MGAT4D: variants seen among roughly 807,000 people sequenced by gnomAD.
MGAT4D encodes MGAT4 family member D.
Under a neutral mutation model 15.9 loss-of-function variants are expected in MGAT4D, and 34 were observed. The ratio of observed to expected loss-of-function variants is 2.14; its 90% confidence interval spans 1.62 to 2.84. MGAT4D has a LOEUF of 2.84. MGAT4D is among the 30% of genes most tolerant of loss of function. The pLI is 0.00. For missense variants in MGAT4D, 327 were observed against 140.2 expected, an observed-to-expected ratio of 2.33 and a Z score of -6.73; for synonymous variants, 112 against 48.2, an observed-to-expected ratio of 2.33 and a Z score of -5.49.
intron 2 of MGAT4D, among the ~76,000 whole-genome samples, chr4:140,481,676 T>C (rs1732743107): frequency 6.6e-6 from 1 of 152,220 alleles, no homozygotes; most frequent in Non-Finnish European, 1.5e-5. Context: ...GGAAAATCTA[T>C]GCTAAGTGAT....
At chr4:140,452,569 T>C (rs1276456970) in intron 9 of MGAT4D, among the ~76,000 whole-genome samples, 1 of 152,184 alleles carries the variant, frequency 6.6e-6, no homozygotes, top group Non-Finnish European at 1.5e-5. Flanking sequence ...ACTACTTTTA[T>C]GGAGTCTGGA....
chr4:140,462,014 A>G lies in MGAT4D; in HGVS notation c.687-10T>C. ...CTGTTTGATTCGCCAACTAAAGGTAATCAATAAGATCTGTTAATATTTGTC... is the reference window on the plus strand; with the variant it reads ...CTGTTTGATTCGCCAACTAAAGGTAGTCAATAAGATCTGTTAATATTTGTC... On this transcript the variant is annotated splice_polypyrimidine_tract_variant and intron_variant, in intron 6 of 10. Transcript: ENST00000511113. 2 of 699,898 alleles carry G rather than the reference A, an allele frequency of 2.9e-6. No homozygotes were observed. The highest frequency in any genetic ancestry group is 5.2e-6 in the Non-Finnish European group (2 of 383,480). The allele number at this position is 699,898 out of a possible 1,614,324, so 43.4% of individuals were successfully genotyped here. A position where few individuals can be genotyped will look rare whatever the true frequency, so the allele number is the denominator to read the frequency against.
In MGAT4D at chr4:140,456,661, G is replaced by A; in HGVS notation, c.936C>T (p.Tyr312=). The change falls in exon 9 of 11, where the codon TAC becomes TAT. Residue 312 remains tyrosine, a synonymous_variant. Transcript: ENST00000511113. Reference sequence around the variant, plus strand: ...AGAGCCAGTCTATGGGTTTCTCTTTGTAGAACATTAAAAAAAACCGTACAA... The same window carrying A: ...AGAGCCAGTCTATGGGTTTCTCTTTATAGAACATTAAAAAAAACCGTACAA... ...THFVRFFLMF[Y]KEKPIDWLLN... is the part of the protein sequence containing the mutation. The A allele has an allele frequency of 1.4e-6, 1 of 696,948 alleles. No homozygotes were observed. Among genetic ancestry groups the A allele is most frequent in the Non-Finnish European group, 2.6e-6 (1 of 382,166 alleles). The allele number at this position is 696,948 out of a possible 1,614,324, so 43.2% of individuals were successfully genotyped here.
intron 10 of MGAT4D, among the ~76,000 whole-genome samples, chr4:140,449,468 A>T (rs1307950069): frequency 6.6e-6 from 1 of 152,156 alleles, no homozygotes; most frequent in Non-Finnish European, 1.5e-5. Context: ...CATTTAAAAA[A>T]TTTTATCATG....
chr4:140,498,101 G>C (rs1269766848), intron 1 of MGAT4D, 28 bp downstream of exon 1: 2 of 695,128 alleles, frequency 2.9e-6, no homozygotes, highest in African/African-American at 1.8e-5. Context: ...CGGCGGGAAA[G>C]GAGGCGGGAG....
chr4:140,444,620 G>A (rs368392221), intron 10 of MGAT4D, among the ~76,000 whole-genome samples: 16 of 151,998 alleles, frequency 1.1e-4, no homozygotes, highest in African/African-American at 3.1e-4. Flanking sequence ...CCAGTCTATC[G>A]CTGATAGGCA....
At chr4:140,482,960 C>T (rs1157744654) in intron 1 of MGAT4D, among the ~76,000 whole-genome samples, 1 of 152,250 alleles carries the variant, frequency 6.6e-6, no homozygotes, top group Non-Finnish European at 1.5e-5. Context: ...AAAATTGGAA[C>T]TGACCAAAGT....
At chr4:140,448,183 CT>C (rs1256459583) in intron 10 of MGAT4D, among the ~76,000 whole-genome samples, 1 of 152,028 alleles carries the variant, frequency 6.6e-6, no homozygotes, top group Non-Finnish European at 1.5e-5. Flanking sequence ...ATTATGTGTC[CT>C]GTGGATGATC....
At chr4:140,464,647 G>A (rs1731408238) in intron 6 of MGAT4D, among the ~76,000 whole-genome samples, 1 of 152,164 alleles carries the variant, frequency 6.6e-6, no homozygotes, top group Non-Finnish European at 1.5e-5. Context: ...GGGGTGGAGG[G>A]ATGGACATCC....
rs115718989 is a variant in MGAT4D at position 140,447,543 on chromosome 4, C to T, written c.1116+3867G>A. ...CAATCCCTGCCTTTTTTCTGATTTC[C>T]ATTTGTTGGTAGATTTTTCTCCATC... On this transcript the variant is annotated intron_variant, in intron 10 of 10. Coordinates refer to ENST00000511113, the MANE Select transcript of MGAT4D (RefSeq NM_001277353.2). 9.0e-3 allele frequency among the ~76,000 whole-genome samples: 1,366 copies of T among 152,040 alleles called. 15 individuals are homozygous for T. The highest frequency in any genetic ancestry group is 0.015 in the Non-Finnish European group (1,011 of 67,960).
intron 6 of MGAT4D, among the ~76,000 whole-genome samples, chr4:140,463,796 T>C (rs1053479111): frequency 1.3e-5 from 2 of 152,146 alleles, no homozygotes; most frequent in Non-Finnish European, 2.9e-5. Context: ...AAGTTAATGA[T>C]TGCAAGGTTG....
chr4:140,481,212 G>A (rs541892409), intron 2 of MGAT4D, among the ~76,000 whole-genome samples: 6 of 152,162 alleles, frequency 3.9e-5, no homozygotes, highest in African/African-American at 1.4e-4. Flanking sequence ...GACTGAGATA[G>A]GAGGATTGCT....
Position 140,495,806 on chromosome 4 carries a change from G to A in MGAT4D, c.94+2323C>T, listed in dbSNP as rs1946579. ...GGCTGAAGGGCAGTGGCGTGATCTC[G>A]GCTCACTGCAACCTCTGTCTCCTGG... is the stretch of plus-strand genomic sequence containing the variant. On this transcript the variant is annotated intron_variant, in intron 1 of 10. Coordinates refer to ENST00000511113, the MANE Select transcript of MGAT4D (RefSeq NM_001277353.2). Among the ~76,000 whole-genome samples, 1,512 of 152,086 alleles carry A rather than the reference G, an allele frequency of 9.9e-3. 5 individuals carry two copies. The highest frequency in any genetic ancestry group is 0.028 in the South Asian group (135 of 4,820).
chr4:140,459,803 T>C, intron 7 of MGAT4D, among the ~76,000 whole-genome samples, 177 bp from the exon 8 acceptor site: 1 of 138,116 alleles, frequency 7.2e-6, no homozygotes, highest in Admixed American at 7.0e-5. Context: ...GATTTCCTTT[T>C]TTTTTTTTTT....
chr4:140,482,674 A>C (rs1360611657), intron 1 of MGAT4D, among the ~76,000 whole-genome samples, 189 bp from the exon 2 acceptor site: 2 of 152,010 alleles, frequency 1.3e-5, no homozygotes, highest in Non-Finnish European at 2.9e-5. Flanking sequence ...GTGCATAGGT[A>C]CAAATATAAA....
chr4:140,468,609 GC>G (rs1040920494), intron 5 of MGAT4D, among the ~76,000 whole-genome samples: 2 of 152,142 alleles, frequency 1.3e-5, no homozygotes, highest in Admixed American at 6.5e-5. Context: ...TCAGAATAAA[GC>G]AACTGAGAAG....
chr4:140,475,000 T>A (rs968317482), intron 3 of MGAT4D, 54 bp from the exon 4 acceptor site: 2 of 516,854 alleles, frequency 3.9e-6, no homozygotes, highest in Admixed American at 7.1e-5. Context: ...AAAAACATAG[T>A]TTACCATTCA....
At chr4:140,461,504 A>G (rs985118938) in intron 7 of MGAT4D, among the ~76,000 whole-genome samples, 10 of 152,188 alleles carry the variant, frequency 6.6e-5, no homozygotes, top group Non-Finnish European at 1.0e-4. Context: ...TGTTACTCAT[A>G]AAGTATTATG....
At chr4:140,485,042 C>T (rs1733008921) in intron 1 of MGAT4D, among the ~76,000 whole-genome samples, 1 of 152,162 alleles carries the variant, frequency 6.6e-6, no homozygotes, top group Non-Finnish European at 1.5e-5. Context: ...CCAGCCATCC[C>T]ATTACTGGGT....
Sources: allele counts gnomAD v4.1 joint callset (sites outside exome capture counted in the v4.1 genomes callset), GRCh38; gene constraint gnomAD v4.1.1; transcripts MANE v1.5; gene names NCBI Gene and HGNC (gene_info 2026-07-23, HGNC 2026-07-21).